ACTR2: variants seen among roughly 807,000 people sequenced by gnomAD.
The protein encoded by ACTR2 is actin-related protein 2.
Under a neutral mutation model 50.2 loss-of-function variants are expected in ACTR2, and 5 were observed. The ratio of observed to expected loss-of-function variants is 0.10; its 90% CI spans 0.05 to 0.21. The LOEUF is 0.21. ACTR2 is among the 10% of genes least tolerant of loss of function. The pLI, the probability that ACTR2 is intolerant of heterozygous loss-of-function variation, is 1.00. For synonymous variants in ACTR2, 140 were observed against 162.9 expected, an observed-to-expected ratio of 0.86 and a Z score of 1.07; for missense variants, 180 against 480.6, an observed-to-expected ratio of 0.37 and a Z score of 5.85.
Position 65,239,908 on chromosome 2 carries a change from G to A in ACTR2, c.105G>A (p.Leu35=), listed in dbSNP as rs548604162. 6.2e-7 allele frequency: 1 copy of A among 1,613,288 alleles called. No individual in the cohort carries two copies. Among genetic ancestry groups the A allele is most frequent in the African/African-American group, 1.3e-5 (1 of 74,998 alleles). Residue 35 remains leucine, a synonymous_variant, in exon 2 of 9, where the codon TTG becomes TTA. Coordinates refer to ENST00000260641, the MANE Select transcript of ACTR2 (RefSeq NM_005722.4). Reference sequence around the variant, plus strand: ...TTCCAGAACACATCTTCCCAGCTTTGGTTGGAAGACCTATTATCAGATCAA... The same window carrying A: ...TTCCAGAACACATCTTCCCAGCTTTAGTTGGAAGACCTATTATCAGATCAA... ...SNFPEHIFPA[L]VGRPIIRSTT... is the part of the protein sequence containing the mutation.
intron 3 of ACTR2, among the ~76,000 whole-genome samples, chr2:65,248,842 C>T (rs1489099401): frequency 2.0e-5 from 3 of 151,926 alleles, no homozygotes; most frequent in African/African-American, 7.3e-5. Flanking sequence ...GGCAAAACTC[C>T]GTCTCTACTA....
In ACTR2 at chr2:65,241,999, C is replaced by T. The variant is rs746038665; in HGVS notation, c.159+2037C>T. The stretch of plus-strand genomic sequence containing the variant: ...AGGATTTTATTTAGGCCTTTTCTGA[C>T]TCTTACTTCTACCTTCTCTCTCTTC... On this transcript the variant is annotated intron_variant, in intron 2 of 8. Coordinates refer to ENST00000260641, the MANE Select transcript of ACTR2 (RefSeq NM_005722.4). The T allele has an allele frequency of 1.9e-6, 3 of 1,601,998 alleles. No individual in the cohort carries two copies. In the South Asian group the frequency reaches 3.3e-5, roughly 18 times the overall value.
chr2:65,261,769 G>T (rs1672274201), intron 7 of ACTR2, among the ~76,000 whole-genome samples: 1 of 152,166 alleles, frequency 6.6e-6, no homozygotes, highest in Admixed American at 6.5e-5. Flanking sequence ...GGAATTGCTG[G>T]ATCATATGGT....
At chr2:65,253,952 C>T (rs1672101216) in intron 5 of ACTR2, 88 bp downstream of exon 5, 1 of 1,157,724 alleles carries the variant, frequency 8.6e-7, no homozygotes, top group Non-Finnish European at 1.2e-6. Context: ...TTTAGGATTC[C>T]AGCAAATCTG....
At chr2:65,238,206 G>A (rs1558621057) in intron 1 of ACTR2, among the ~76,000 whole-genome samples, 4 of 151,982 alleles carry the variant, frequency 2.6e-5, no homozygotes, top group Admixed American at 1.3e-4. Flanking sequence ...AGTATTAAAA[G>A]CTCTTGATTC....
intron 1 of ACTR2, among the ~76,000 whole-genome samples, chr2:65,231,958 A>G (rs1186421596): frequency 1.3e-5 from 2 of 152,206 alleles, no homozygotes; most frequent in African/African-American, 2.4e-5. Flanking sequence ...GCCTGGAAAC[A>G]AGTTTGTACT....
At chr2:65,237,668 TAGTG>T (rs1484777948) in intron 1 of ACTR2, among the ~76,000 whole-genome samples, 15 of 152,214 alleles carry the variant, frequency 9.9e-5, no homozygotes, top group African/African-American at 3.6e-4. Flanking sequence ...CCGTGCAACA[TAGTG>T]AGACCCCATC....
At chr2:65,245,187 T>A (rs759285097) in intron 2 of ACTR2, among the ~76,000 whole-genome samples, 82 of 152,086 alleles carry the variant, frequency 5.4e-4, no homozygotes, top group Non-Finnish European at 8.8e-4. Context: ...CTTTTTTTTT[T>A]AATTTAAAAC....
At chr2:65,263,073 G>T (rs964850844) in intron 7 of ACTR2, among the ~76,000 whole-genome samples, 1 of 151,074 alleles carries the variant, frequency 6.6e-6, no homozygotes, top group Admixed American at 6.6e-5. Flanking sequence ...ATAGAGTCTC[G>T]CTCTGTCGCC....
chr2:65,237,694 T>A (rs1273889420), intron 1 of ACTR2, among the ~76,000 whole-genome samples: 2 of 152,000 alleles, frequency 1.3e-5, no homozygotes, highest in Non-Finnish European at 2.9e-5. Context: ...CTACAAAAAA[T>A]TTTAAAACTT....
chr2:65,231,184 A>G (rs1011420589), intron 1 of ACTR2, among the ~76,000 whole-genome samples: 1 of 152,228 alleles, frequency 6.6e-6, no homozygotes, highest in African/African-American at 2.4e-5. Flanking sequence ...AATTAATTCA[A>G]ATAAAATTTA....
intron 1 of ACTR2, among the ~76,000 whole-genome samples, chr2:65,230,375 A>T (rs973831946): frequency 6.6e-6 from 1 of 150,798 alleles, no homozygotes; most frequent in Non-Finnish European, 1.5e-5. Flanking sequence ...TAAATATTAA[A>T]TTAGAATGGG....
At chr2:65,243,106 C>G (rs1671872972) in intron 2 of ACTR2, among the ~76,000 whole-genome samples, 1 of 151,968 alleles carries the variant, frequency 6.6e-6, no homozygotes, top group South Asian at 2.1e-4. Context: ...TGGTGAAGCC[C>G]CATCTCTACT....
chr2:65,243,623 T>C (rs1402394674), intron 2 of ACTR2, among the ~76,000 whole-genome samples: 1 of 152,128 alleles, frequency 6.6e-6, no homozygotes, highest in Non-Finnish European at 1.5e-5. Context: ...AGCAAAACCC[T>C]GCCTCTATTA....
At chr2:65,244,818 G>A (rs961152457) in intron 2 of ACTR2, among the ~76,000 whole-genome samples, 1 of 151,752 alleles carries the variant, frequency 6.6e-6, no homozygotes, top group Non-Finnish European at 1.5e-5. Flanking sequence ...CATGTAGCCT[G>A]TAGTCCCAGC....
intron 8 of ACTR2, among the ~76,000 whole-genome samples, chr2:65,267,862 CTTTTTTTTTTTTTT>C (rs70943640): frequency 2.7e-4 from 13 of 47,386 alleles, no homozygotes; most frequent in South Asian, 1.2e-3. Context: ...TGCAAGTCCT[CTTTTTTTTTTTTTT>C]TTTTTTTTTT....
intron 6 of ACTR2, among the ~76,000 whole-genome samples, 183 bp from the exon 7 acceptor site, chr2:65,261,064 A>G (rs1433839227): frequency 6.6e-6 from 1 of 151,872 alleles, no homozygotes; most frequent in African/African-American, 2.4e-5. Flanking sequence ...ACAGAATGTG[A>G]TAAGAGCAGT....
At chr2:65,237,262 A>G (rs1671756988) in intron 1 of ACTR2, among the ~76,000 whole-genome samples, 1 of 151,964 alleles carries the variant, frequency 6.6e-6, no homozygotes, top group African/African-American at 2.4e-5. Flanking sequence ...TAGACTATGT[A>G]TTATTTATTT....
At chr2:65,266,718 T>C (rs2104025216) in intron 8 of ACTR2, among the ~76,000 whole-genome samples, 1 of 151,958 alleles carries the variant, frequency 6.6e-6, no homozygotes. Flanking sequence ...TGGTAGAGTT[T>C]TAGAATAGAG....
Sources: gnomAD v4.1 joint callset for allele counts (sites outside exome capture counted in the v4.1 genomes callset) on GRCh38, gnomAD v4.1.1 for gene constraint, MANE v1.5 for transcripts, NCBI Gene and HGNC (gene_info 2026-07-23, HGNC 2026-07-21) for gene names.